RYR1: variants seen among roughly 807,000 people sequenced by gnomAD.
RYR1 encodes the protein ryanodine receptor 1.
Under a neutral mutation model 583.5 loss-of-function variants are expected in RYR1, and 342 were observed. The observed-to-expected ratio is 0.59, with a 90% confidence interval of 0.54 to 0.64. RYR1 has a LOEUF of 0.64. RYR1 is among the 30% of genes least tolerant of loss of function. The pLI, the probability that RYR1 is intolerant of heterozygous loss-of-function variation, is 0.00. For missense variants in RYR1, 6,032 were observed against 6,917.2 expected (o/e 0.87, Z 4.54); for synonymous variants, 2,791 against 2,822.5 (o/e 0.99, Z 0.35).
intron 31 of RYR1, among the ~76,000 whole-genome samples, chr19:38,480,309 A>AT (rs988362014): frequency 6.7e-6 from 1 of 149,430 alleles, no homozygotes; most frequent in African/African-American, 2.5e-5. Flanking sequence ...TGCCTGGCTA[A>AT]TTTTTTTTAG....
chr19:38,542,731 G>C (rs1220934663), intron 84 of RYR1, among the ~76,000 whole-genome samples: 1 of 152,018 alleles, frequency 6.6e-6, no homozygotes, highest in Non-Finnish European at 1.5e-5. Context: ...ATGTTGGCCA[G>C]GCTGGTCTCA....
rs371043203 is a variant in RYR1, at chr19:38,440,869, G to A, written c.165+5G>A. On this transcript the variant is annotated splice_donor_5th_base_variant and intron_variant, in intron 2 of 105. Transcript: ENST00000359596. ...GAGCCCACTAGCAACGCGCAGGTCT[G>A]TGCAGGAGGGAGAGGGGCCTGGGGA... 4.3e-6 allele frequency: 7 copies of A among 1,610,172 alleles called. No individual in the cohort carries two copies. In the African/African-American group the frequency reaches 9.3e-5, roughly 21 times the overall value.
chr19:38,462,683 C>T (rs894338282), intron 20 of RYR1, among the ~76,000 whole-genome samples: 1 of 152,168 alleles, frequency 6.6e-6, no homozygotes, highest in Non-Finnish European at 1.5e-5. Context: ...TCGCTATGAT[C>T]CTCATACGGA....
chr19:38,584,474 GTA>G, intron 101 of RYR1, among the ~76,000 whole-genome samples: 1 of 46,958 alleles, frequency 2.1e-5, no homozygotes, highest in East Asian at 5.9e-4. Context: ...CCTTCTGCCT[GTA>G]CCCCCCATTC....
chr19:38,583,952 A>AT (rs1446931597), intron 101 of RYR1, among the ~76,000 whole-genome samples: 1 of 151,374 alleles, frequency 6.6e-6, no homozygotes, highest in African/African-American at 2.4e-5. Flanking sequence ...TCACCCAACC[A>AT]TTTTCAGTTC....
In RYR1 at chr19:38,468,025, TCATC is replaced by T. The variant is rs67434030; in HGVS notation, c.3381+234_3381+237del. The T allele has an allele frequency of 0.25, 120,143 of 482,052 alleles. 49,405 individuals carry two copies. The highest frequency in any genetic ancestry group is 0.3 in the Middle Eastern group (547 of 1,794). The allele number at this position is 482,052 out of a possible 1,614,324, so 29.9% of individuals were successfully genotyped here. On this transcript the variant is annotated intron_variant, in intron 25 of 105. Coordinates refer to ENST00000359596, the MANE Select transcript of RYR1 (RefSeq NM_000540.3). ...GACATCCATCTATCCAACCAACAATTCATCCATCCATCCATCCATCCATCATCCA... is the reference window on the plus strand; with the variant it reads ...GACATCCATCTATCCAACCAACAATTCATCCATCCATCCATCCATCATCCA...
intron 63 of RYR1, 120 bp from the exon 64 acceptor site, chr19:38,514,906 G>A (rs369098607): frequency 1.4e-6 from 1 of 718,676 alleles, no homozygotes; most frequent in African/African-American, 1.7e-5. Context: ...TACATGGAAG[G>A]CTGGCTGTAC....
rs1214034162 is a variant in RYR1 at position 38,483,920 on chromosome 19, T to C, written c.4934+404T>C. On this transcript the variant is annotated intron_variant, in intron 33 of 105. Coordinates refer to ENST00000359596, the MANE Select transcript of RYR1 (RefSeq NM_000540.3). This position sits in a 1 kb window ranked among gnomAD's most constrained non-coding sequence, Gnocchi z 6.3. ...GATGCACCCTAGAGTCTCTTGGGCA[T>C]ATGCAGGGAGGCTTTAAGAAGAATC... Among the ~76,000 whole-genome samples the C allele has an allele frequency of 6.6e-6, 1 of 151,754 alleles. No homozygotes were observed. The highest frequency in any genetic ancestry group is 1.5e-5 in the Non-Finnish European group (1 of 67,890).
intron 1 of RYR1, 33 bp from the exon 2 acceptor site, chr19:38,440,712 C>G (rs747700867): frequency 8.8e-6 from 14 of 1,599,988 alleles, no homozygotes; most frequent in South Asian, 3.3e-5. Context: ...CCGGGCCAGG[C>G]CCCCCTGGAG....
At chr19:38,439,459 A>C (rs1474464655) in intron 1 of RYR1, among the ~76,000 whole-genome samples, 1 of 151,878 alleles carries the variant, frequency 6.6e-6, no homozygotes, top group Admixed American at 6.6e-5. Flanking sequence ...TCGGCCTCCC[A>C]AAGTGCTGGG....
At chr19:38,562,566 G>A (rs984328727) in intron 90 of RYR1, among the ~76,000 whole-genome samples, 9 of 152,058 alleles carry the variant, frequency 5.9e-5, no homozygotes, top group Non-Finnish European at 1.2e-4. Context: ...TCTCCTCAGG[G>A]GACACCAGCT....
chr19:38,562,892 A>T (rs1973217250), intron 90 of RYR1, among the ~76,000 whole-genome samples: 1 of 152,088 alleles, frequency 6.6e-6, no homozygotes, highest in Non-Finnish European at 1.5e-5. Flanking sequence ...ACTCCGCAGG[A>T]ACCCTTGAGA....
rs1255466371 is a variant in RYR1 at position 38,575,963 on chromosome 19, T to G, written c.14172+2T>G. On this transcript the variant is annotated splice_donor_variant, in intron 97 of 105. Transcript: ENST00000359596. LOFTEE classifies it high-confidence loss of function. ...TGGGACAAGTTTGTCAAGCGCAAGG[T>G]GAGAGGACATGGATGCCCTGGGTCC... 6.2e-7 allele frequency: 1 copy of G among 1,614,100 alleles called. No individual in the cohort carries two copies. The highest frequency in any genetic ancestry group is 1.1e-5 in the South Asian group (1 of 91,082).
intron 58 of RYR1, among the ~76,000 whole-genome samples, chr19:38,509,639 A>C (rs181821237): frequency 4.6e-5 from 7 of 151,746 alleles, no homozygotes; most frequent in Admixed American, 4.6e-4. Context: ...TTGTATTTTT[A>C]GTAGAGATGG....
At chr19:38,584,803 C>A in intron 101 of RYR1, 140 bp from the exon 102 acceptor site, 1 of 942,244 alleles carries the variant, frequency 1.1e-6, no homozygotes, top group Non-Finnish European at 1.7e-6. Context: ...TGTCTGATGC[C>A]GTATCTGTGA....
chr19:38,560,729 CAAAAAAAAAAA>C (rs765130460), intron 89 of RYR1, among the ~76,000 whole-genome samples: 1 of 38,076 alleles, frequency 2.6e-5, no homozygotes, highest in Admixed American at 3.3e-4. Context: ...AACTCCGTCT[CAAAAAAAAAAA>C]AAAAAAAAAA....
Position 38,516,071 on chromosome 19 carries a change from C to T in RYR1, c.9555-16C>T. ...GAGGGGGACACGTGGCAGCTAAACA[C>T]AGCCCCGTCTTCCAGGCTTCGGCCA... On this transcript the variant is annotated splice_polypyrimidine_tract_variant and intron_variant, in intron 64 of 105. Coordinates refer to ENST00000359596, the MANE Select transcript of RYR1 (RefSeq NM_000540.3). 1.9e-6 allele frequency: 3 copies of T among 1,546,014 alleles called. No homozygotes were observed. Among genetic ancestry groups the T allele is most frequent in the East Asian group, 4.9e-5 (2 of 40,806 alleles).
chr19:38,470,056 C>T (rs886580202), intron 27 of RYR1, among the ~76,000 whole-genome samples: 4 of 151,680 alleles, frequency 2.6e-5, no homozygotes, highest in Non-Finnish European at 5.9e-5. Context: ...ATTCCAGCTA[C>T]TTAGGGGGCT....
chr19:38,544,420 C>T (rs1972338672), intron 87 of RYR1, among the ~76,000 whole-genome samples: 2 of 152,202 alleles, frequency 1.3e-5, no homozygotes, highest in Non-Finnish European at 1.5e-5. Flanking sequence ...TCCATTTGCT[C>T]TGCTTCTGTC....
Sources: gnomAD v4.1 joint callset for allele counts (sites outside exome capture counted in the v4.1 genomes callset) on GRCh38, gnomAD v4.1.1 for gene constraint, Gnocchi (gnomAD v3.1) non-coding constraint, MANE v1.5 for transcripts, NCBI Gene and HGNC (gene_info 2026-07-23, HGNC 2026-07-21) for gene names.